Variants in TXN2 observed in about 807,000 individuals in gnomAD.
TXN2 encodes the protein thioredoxin, mitochondrial.
TXN2 carries 12 observed loss-of-function variants against 14.6 expected under a neutral mutation model. The ratio of observed to expected loss-of-function variants is 0.82; its 90% CI spans 0.53 to 1.33. The LOEUF is 1.33. TXN2 is among the 40% of genes most tolerant of loss of function. TXN2 has a pLI of 0.00. For synonymous variants in TXN2, 89 were observed against 81.0 expected (o/e 1.10, Z -0.53); for missense variants, 173 against 207.7 (o/e 0.83, Z 1.03).
chr22:36,476,311 G>A (rs555164419), intron 3 of TXN2, among the ~76,000 whole-genome samples: 184 of 152,254 alleles, frequency 1.2e-3, no homozygotes, highest in Non-Finnish European at 2.1e-3. Context: ...TCGAAAAACC[G>A]GCTGGGCGCA....
chr22:36,471,678 T>C (rs1933278173), intron 3 of TXN2, among the ~76,000 whole-genome samples: 1 of 152,078 alleles, frequency 6.6e-6, no homozygotes, highest in Non-Finnish European at 1.5e-5. Flanking sequence ...TCCAAAATGA[T>C]GTGGTGTAGG....
intron 3 of TXN2, among the ~76,000 whole-genome samples, chr22:36,474,671 T>C (rs773069516): frequency 1.2e-4 from 19 of 152,182 alleles, no homozygotes; most frequent in Admixed American, 2.0e-4. Flanking sequence ...TTTAAAATAC[T>C]TCGAGTGCCA....
At chr22:36,471,187 A>G (rs775722212) in intron 3 of TXN2, among the ~76,000 whole-genome samples, 6 of 152,176 alleles carry the variant, frequency 3.9e-5, no homozygotes, top group Admixed American at 1.3e-4. Flanking sequence ...TTGAGTGTGA[A>G]AGAGGCAGTG....
At chr22:36,474,938 G>A (rs1473322882) in intron 3 of TXN2, among the ~76,000 whole-genome samples, 1 of 152,188 alleles carries the variant, frequency 6.6e-6, no homozygotes, top group Non-Finnish European at 1.5e-5. Context: ...GCCCCTGCTG[G>A]TCTGTAAGCA....
intron 3 of TXN2, chr22:36,468,736 G>T: frequency 2.3e-6 from 1 of 437,034 alleles, no homozygotes; most frequent in Middle Eastern, 3.4e-4. Flanking sequence ...AAAAGAGAAA[G>T]ATTTGAGTAT....
chr22:36,479,584 G>A (rs1189091028), intron 2 of TXN2, among the ~76,000 whole-genome samples: 3 of 151,966 alleles, frequency 2.0e-5, no homozygotes, highest in African/African-American at 4.8e-5. Flanking sequence ...CACCTGCCTC[G>A]GCCTCTGAAA....
In TXN2 at chr22:36,478,973, A is replaced by G. The variant is rs565418409; in HGVS notation, c.263+1602T>C. Among the ~76,000 whole-genome samples the G allele has an allele frequency of 3.3e-5, 5 of 151,778 alleles. No individual in the cohort carries two copies. The East Asian group carries it at 9.7e-4, about 30-fold the overall frequency. ...TCTCAAAAACAAAAAAGGAAAAAAAACCCTCAGGCCTGGCGCAGTGGTTCA... is the reference window on the plus strand; with the variant it reads ...TCTCAAAAACAAAAAAGGAAAAAAAGCCCTCAGGCCTGGCGCAGTGGTTCA... On this transcript the variant is annotated intron_variant, in intron 2 of 3. Coordinates refer to ENST00000216185, the MANE Select transcript of TXN2 (RefSeq NM_012473.4).
intron 3 of TXN2, among the ~76,000 whole-genome samples, chr22:36,475,415 C>T (rs1933366644): frequency 6.6e-6 from 1 of 152,234 alleles, no homozygotes. Flanking sequence ...GCAGTACTCC[C>T]ATCCTCTCTT....
At chr22:36,474,097 G>A (rs948534579) in intron 3 of TXN2, among the ~76,000 whole-genome samples, 4 of 152,210 alleles carry the variant, frequency 2.6e-5, no homozygotes, top group East Asian at 1.9e-4. Flanking sequence ...GCTCTCACCC[G>A]AGGCATAGCC....
At chr22:36,477,292 C>T (rs1933405977) in intron 2 of TXN2, among the ~76,000 whole-genome samples, 2 of 152,304 alleles carry the variant, frequency 1.3e-5, no homozygotes, top group South Asian at 4.1e-4. Flanking sequence ...ACTGCAAGCT[C>T]CGCCTCCCTG....
intron 3 of TXN2, among the ~76,000 whole-genome samples, chr22:36,472,456 G>A (rs971193565): frequency 5.9e-5 from 9 of 152,120 alleles, no homozygotes; most frequent in Admixed American, 3.9e-4. Flanking sequence ...AATGATGTCC[G>A]TGTAGGTTCA....
At chr22:36,468,488 CTG>C (rs1933205287) in intron 3 of TXN2, 2 of 306,264 alleles carry the variant, frequency 6.5e-6, no homozygotes, top group Non-Finnish European at 1.3e-5. Flanking sequence ...TTCTGGGAGA[CTG>C]AGGCTGGAGG....
In TXN2 at chr22:36,476,718, C is replaced by G. The variant is rs1568978314; in HGVS notation, c.387+15G>C. ...TATACTGGCTTCCCTGTGGCAACTC[C>G]CTGTCAATCCATACCTCATACTCAA... On this transcript the variant is annotated intron_variant, in intron 3 of 3. Transcript: ENST00000216185. 6.2e-7 allele frequency: 1 copy of G among 1,614,112 alleles called. No individual in the cohort carries two copies. Among genetic ancestry groups the G allele is most frequent in the Admixed American group, 1.7e-5 (1 of 60,012 alleles).
At chr22:36,472,857 C>T (rs16996781) in intron 3 of TXN2, among the ~76,000 whole-genome samples, 19,621 of 152,016 alleles carry the variant, frequency 0.13, 1,491 homozygotes, top group African/African-American at 0.2. Context: ...AGAGCAGTTC[C>T]TCCCCACAGA....
intron 3 of TXN2, 142 bp downstream of exon 3, chr22:36,476,591 C>CAA (rs879161371): frequency 1.5e-4 from 145 of 959,504 alleles, no homozygotes; most frequent in South Asian, 1.9e-4. Flanking sequence ...GATTCCGTCT[C>CAA]AAAAAAAAAA....
intron 1 of TXN2, 41 bp downstream of exon 1, chr22:36,481,523 A>G: frequency 1.0e-6 from 1 of 963,464 alleles, no homozygotes; most frequent in Non-Finnish European, 1.3e-6. Flanking sequence ...GGCATGCCTC[A>G]GCCGCGACAC....
rs1933480172 is a variant in TXN2 at position 36,480,626 on chromosome 22, T to C, written c.212A>G (p.Gln71Arg). The C allele has an allele frequency of 2.5e-6, 4 of 1,614,044 alleles. No individual in the cohort carries two copies. In the African/African-American group the frequency reaches 5.3e-5, roughly 22 times the overall value. The stretch of plus-strand genomic sequence containing the variant: ...TGTCTCACTGTTGACCACTCGGTCT[T>C]GAAAGTCAGGTCCATCCTGGATATT... ...TFNIQDGPDF[Q>R]DRVVNSETPV... is the part of the protein sequence containing the mutation. Residue 71 changes from glutamine to arginine, a missense_variant, in exon 2 of 4, where the codon CAA becomes CGA. By Grantham distance (43) the Gln-to-Arg change is conservative. Transcript: ENST00000216185.
intron 1 of TXN2, chr22:36,481,091 G>A (rs1285143371): frequency 7.3e-6 from 3 of 410,346 alleles, no homozygotes; most frequent in Non-Finnish European, 1.3e-5. Flanking sequence ...TATAACGGAA[G>A]AATGGGAGGA....
chr22:36,468,644 G>C lies in TXN2; in HGVS notation c.388-727C>G, dbSNP rs112490059. 9.8e-3 allele frequency: 4,422 copies of C among 450,556 alleles called. 163 individuals are homozygous for C. Among genetic ancestry groups the C allele is most frequent in the African/African-American group, 0.083 (4,108 of 49,714 alleles). 27.9% of individuals were successfully genotyped at this position (450,556 alleles called of 1,614,324 possible). ...GGAGGCTGAGGCAGGAGGATCGCTTGAGCCTGGGAGACTGAGGCTTCAGTG... is the reference window on the plus strand; with the variant it reads ...GGAGGCTGAGGCAGGAGGATCGCTTCAGCCTGGGAGACTGAGGCTTCAGTG... On this transcript the variant is annotated intron_variant, in intron 3 of 3. Transcript: ENST00000216185.
Sources: gnomAD v4.1 joint callset for allele counts (sites outside exome capture counted in the v4.1 genomes callset) on GRCh38, gnomAD v4.1.1 for gene constraint, MANE v1.5 for transcripts, NCBI Gene and HGNC (gene_info 2026-07-23, HGNC 2026-07-21) for gene names.